Variants in PLEKHJ1 observed in about 807,000 individuals in gnomAD.
PLEKHJ1 encodes pleckstrin homology domain containing J1.
Under a neutral mutation model 21.7 loss-of-function variants are expected in PLEKHJ1, and 20 were observed. The ratio of observed to expected loss-of-function variants is 0.92; its 90% CI spans 0.65 to 1.34. The LOEUF is 1.34. Among genes scored for constraint, PLEKHJ1 ranks in the 40% most tolerant of loss-of-function variants. The pLI is 0.00. For missense variants in PLEKHJ1, 241 were observed against 202.0 expected (o/e 1.19, Z -1.17); for synonymous variants, 113 against 80.6 (o/e 1.40, Z -2.15).
chr19:2,235,523 A>C, intron 3 of PLEKHJ1: 3 of 548,534 alleles, frequency 5.5e-6, no homozygotes, highest in East Asian at 3.1e-5. Flanking sequence ...CCCACAGGGA[A>C]CAAAGAGCAG....
downstream of PLEKHJ1, chr19:2,230,741 G>A (rs2024564453): frequency 2.5e-6 from 1 of 397,610 alleles, no homozygotes; most frequent in Non-Finnish European, 4.4e-6. Context: ...GGAAAGAAAA[G>A]CGAGGGGAAA....
chr19:2,234,156 C>T lies in PLEKHJ1; in HGVS notation c.314G>A (p.Arg105Gln), dbSNP rs201397305. Reference protein sequence around the residue: ...QCQEWMEALRRASYEFMRRSL... With the variant: ...QCQEWMEALRQASYEFMRRSL... ...CACCACCGCCTGGCCCCACCTGGCCCGACGCAGAGCCTCCATCCACTCCTG... is the reference window on the plus strand; with the variant it reads ...CACCACCGCCTGGCCCCACCTGGCCTGACGCAGAGCCTCCATCCACTCCTG... The change falls in exon 4 of 6, where the codon CGG (arginine) becomes CAG (glutamine). Residue 105 changes from arginine (R) to glutamine (Q), a missense_variant. Coordinates refer to ENST00000326631, the MANE Select transcript of PLEKHJ1 (RefSeq NM_018049.3). 22 of 1,612,360 alleles carry T rather than the reference C, an allele frequency of 1.4e-5. No homozygotes were observed. The East Asian group carries it at 1.6e-4, about 11-fold the overall frequency.
At chr19:2,232,287 A>G, downstream of PLEKHJ1, 1 of 207,040 alleles carries the variant, frequency 4.8e-6, no homozygotes, top group Non-Finnish European at 9.8e-6. Flanking sequence ...TTCCCCCTTA[A>G]TTTATCTGCC....
chr19:2,235,869 C>T (rs773040928), intron 2 of PLEKHJ1, 41 bp from the exon 3 acceptor site: 23 of 1,583,050 alleles, frequency 1.5e-5, no homozygotes, highest in Non-Finnish European at 1.9e-5. Flanking sequence ...AGTGAGCACC[C>T]GGCCTCCGAG....
At position 2,236,269 on chromosome 19, in the gene PLEKHJ1, C is replaced by A; in HGVS notation, c.-21G>T. ...CGCATGGCTCCGCGGGGAACGGGAA[C>A]CCGGGCCGCGCCCTCCCGGCCGCCG... On this transcript the variant is annotated 5_prime_UTR_variant, in exon 1 of 6. Transcript: ENST00000326631. 2 of 1,347,572 alleles carry A rather than the reference C, an allele frequency of 1.5e-6. No individual in the cohort carries two copies. The highest frequency in any genetic ancestry group is 1.8e-5 in the South Asian group (1 of 55,998). 83.5% of individuals were successfully genotyped at this position (1,347,572 alleles called of 1,614,324 possible).
intron 3 of PLEKHJ1, 146 bp downstream of exon 3, chr19:2,235,616 C>G: frequency 1.5e-6 from 1 of 678,676 alleles, no homozygotes; most frequent in Non-Finnish European, 2.5e-6. Flanking sequence ...TTGAGCTGCC[C>G]GTGGACAATG....
rs1415430363 is a variant in PLEKHJ1 at position 2,235,995 on chromosome 19, G to A, written c.95-5C>T. 18 of 1,606,530 alleles carry A rather than the reference G, an allele frequency of 1.1e-5. No homozygotes were observed. Among genetic ancestry groups the A allele is most frequent in the Non-Finnish European group, 1.4e-5 (17 of 1,177,870 alleles). On this transcript the variant is annotated splice_region_variant and splice_polypyrimidine_tract_variant and intron_variant, in intron 1 of 5. Transcript: ENST00000326631. Reference sequence around the variant, plus strand: ...TCACCAGCCGCCGCTTCAGCACTGCGGGCACAGCGCGCACTCAGGGGCGCA... The same window carrying A: ...TCACCAGCCGCCGCTTCAGCACTGCAGGCACAGCGCGCACTCAGGGGCGCA...
At chr19:2,230,351 G>A (rs1056015235), downstream of PLEKHJ1, 3 of 411,746 alleles carry the variant, frequency 7.3e-6, no homozygotes, top group African/African-American at 4.1e-5. Flanking sequence ...CTTCCTGAGC[G>A]CCCTGGCGCC....
chr19:2,236,227 G>A lies in PLEKHJ1; in HGVS notation c.22C>T (p.Leu8=), dbSNP rs771849782. 466 of 1,459,216 alleles carry A rather than the reference G, an allele frequency of 3.2e-4. No homozygotes were observed. Among genetic ancestry groups the A allele is most frequent in the Non-Finnish European group, 4.0e-4 (445 of 1,110,160 alleles). The allele number at this position is 1,459,216 out of a possible 1,614,324, so 90.4% of individuals were successfully genotyped here. ...GCCGGCTGCCGGGACAGAGCCTGCA[G>A]CTCCTTCTCGTTGTACCGCATGGCT... is the stretch of plus-strand genomic sequence containing the variant. MRYNEKE[L]QALSRQPAEM... Residue 8 remains leucine (L), a synonymous_variant, in exon 1 of 6, where the codon CTG becomes TTG. Transcript: ENST00000326631.
chr19:2,236,061 C>G, intron 1 of PLEKHJ1, 71 bp from the exon 2 acceptor site: 1 of 1,459,282 alleles, frequency 6.9e-7, no homozygotes, highest in Non-Finnish European at 9.0e-7. Context: ...TCCCCGGCGC[C>G]CCGACCCGGA....
At chr19:2,230,575 C>T (rs1599636529), downstream of PLEKHJ1, 2 of 398,656 alleles carry the variant, frequency 5.0e-6, no homozygotes, top group Non-Finnish European at 4.4e-6. Context: ...GCATGCCCTG[C>T]GATGCGGGGC....
chr19:2,236,071 A>C (rs2024802790), intron 1 of PLEKHJ1, 81 bp from the exon 2 acceptor site: 2 of 1,412,230 alleles, frequency 1.4e-6, no homozygotes, highest in African/African-American at 1.5e-5. Flanking sequence ...CCCGACCCGG[A>C]CTCCGGCCTC....
At chr19:2,230,948 G>A (rs1460106214), downstream of PLEKHJ1, 7 of 263,542 alleles carry the variant, frequency 2.7e-5, no homozygotes, top group Non-Finnish European at 5.0e-5. Flanking sequence ...TGGGTGTGCT[G>A]GGGCCAGGGT....
At chr19:2,236,040 C>G in intron 1 of PLEKHJ1, 50 bp from the exon 2 acceptor site, 1 of 1,521,512 alleles carries the variant, frequency 6.6e-7, no homozygotes, top group South Asian at 1.3e-5. Flanking sequence ...CGCCCGGACC[C>G]CGGCCTCCCG....
At chr19:2,230,610 T>G (rs1269087688), downstream of PLEKHJ1, 4 of 398,536 alleles carry the variant, frequency 1.0e-5, no homozygotes, top group Non-Finnish European at 1.8e-5. Context: ...TCCCTTGGTG[T>G]TTCTGTACAG....
chr19:2,236,198 C>G lies in PLEKHJ1; in HGVS notation c.51G>C (p.Glu17Asp), dbSNP rs1300105591. The change falls in exon 1 of 6, where the codon GAG becomes GAC. Residue 17 changes from glutamate to aspartate, a missense_variant. By Grantham distance (45) the Glu-to-Asp change is conservative. Coordinates refer to ENST00000326631, the MANE Select transcript of PLEKHJ1 (RefSeq NM_018049.3). ...CCCTCATGCCCAGCTCGGCCGCCAT[C>G]TCGGCCGGCTGCCGGGACAGAGCCT... The part of the protein sequence containing the change: ...ELQALSRQPA[E>D]MAAELGMRGP... 2 of 1,478,326 alleles carry G rather than the reference C, an allele frequency of 1.4e-6. No homozygotes were observed. The highest frequency in any genetic ancestry group is 1.8e-6 in the Non-Finnish European group (2 of 1,117,698). 91.6% of individuals were successfully genotyped at this position (1,478,326 alleles called of 1,614,324 possible).
downstream of PLEKHJ1, chr19:2,232,665 G>A (rs760443696): frequency 5.0e-4 from 90 of 180,762 alleles, no homozygotes; most frequent in Middle Eastern, 2.1e-3. Flanking sequence ...TGTCATCGCC[G>A]AAACGGGGAG....
At chr19:2,231,769 C>T (rs1225286936), downstream of PLEKHJ1, 4 of 214,098 alleles carry the variant, frequency 1.9e-5, no homozygotes, top group African/African-American at 9.0e-5. Context: ...ATTCTTTAAA[C>T]ACTGTATTAC....
downstream of PLEKHJ1, chr19:2,233,085 G>A (rs887411939): frequency 1.3e-5 from 2 of 152,508 alleles, no homozygotes; most frequent in East Asian, 1.9e-4. Context: ...AGGACCCTGA[G>A]CCTTACTTCC....
Sources: gnomAD v4.1 joint callset for allele counts on GRCh38, gnomAD v4.1.1 for gene constraint, MANE v1.5 for transcripts, NCBI Gene and HGNC (gene_info 2026-07-23, HGNC 2026-07-21) for gene names.